The following GREB1L variants were observed in gnomAD, a reference collection of about 807,000 sequenced individuals.
GREB1L encodes GREB1 like retinoic acid receptor coactivator.
In GREB1L, 17 loss-of-function variants were observed where a neutral mutation model predicts 200.8. That is an observed-to-expected ratio of 0.08 (90% CI 0.06 to 0.13). The LOEUF is 0.13. GREB1L is among the 10% of genes least tolerant of loss of function. GREB1L has a pLI of 1.00. For missense variants in GREB1L, 1,657 were observed against 2,367.7 expected (o/e 0.70, Z 6.23); for synonymous variants, 789 against 893.0 (o/e 0.88, Z 2.08).
chr18:21,370,713 A>T (rs921529952), intron 2 of GREB1L, among the ~76,000 whole-genome samples: 1 of 152,198 alleles, frequency 6.6e-6, no homozygotes, highest in African/African-American at 2.4e-5. Flanking sequence ...GAAATCTTTT[A>T]TCTCTCAATC....
intron 27 of GREB1L, 94 bp from the exon 28 acceptor site, chr18:21,513,727 C>T: frequency 1.7e-6 from 2 of 1,171,466 alleles, no homozygotes; most frequent in South Asian, 3.0e-5. Context: ...TGTGAACAGG[C>T]ATTCTGTGGA....
chr18:21,464,484 C>T (rs1357076130), intron 15 of GREB1L, among the ~76,000 whole-genome samples: 1 of 143,804 alleles, frequency 7.0e-6, no homozygotes. Context: ...GCAGAGGTTG[C>T]AGTGAGCCGA....
intron 1 of GREB1L, among the ~76,000 whole-genome samples, chr18:21,359,723 A>G (rs1355317001): frequency 6.6e-6 from 1 of 152,216 alleles, no homozygotes; most frequent in African/African-American, 2.4e-5. Flanking sequence ...AGTCTATTGC[A>G]CTGAATAAAT....
At chr18:21,302,911 C>T (rs1163050347) in intron 1 of GREB1L, among the ~76,000 whole-genome samples, 1 of 152,020 alleles carries the variant, frequency 6.6e-6, no homozygotes, top group Non-Finnish European at 1.5e-5. Flanking sequence ...TTAGTAGAGA[C>T]GGGGTTTCAC....
chr18:21,367,652 A>G (rs74814829), intron 2 of GREB1L, among the ~76,000 whole-genome samples: 1 of 152,226 alleles, frequency 6.6e-6, no homozygotes, highest in Non-Finnish European at 1.5e-5. Flanking sequence ...TGGGTGGTAC[A>G]TGAAGTGTCA....
At chr18:21,273,738 C>T (rs1198132076) in intron 1 of GREB1L, among the ~76,000 whole-genome samples, 1 of 151,982 alleles carries the variant, frequency 6.6e-6, no homozygotes, top group African/African-American at 2.4e-5. Context: ...GAGAGCACTT[C>T]AGAATGTTTG....
chr18:21,363,358 T>G (rs1167120773), intron 1 of GREB1L, among the ~76,000 whole-genome samples: 1 of 136,054 alleles, frequency 7.4e-6, no homozygotes, highest in African/African-American at 2.7e-5. Flanking sequence ...TATAAAAGCA[T>G]TGGGTGGGGA....
chr18:21,501,326 A>G (rs2036784967), intron 23 of GREB1L, among the ~76,000 whole-genome samples: 1 of 151,344 alleles, frequency 6.6e-6, no homozygotes, highest in Admixed American at 6.6e-5. Flanking sequence ...TACGTGTGCC[A>G]TGGTGGTTTG....
At chr18:21,315,778 G>A (rs2038858106) in intron 1 of GREB1L, among the ~76,000 whole-genome samples, 1 of 152,062 alleles carries the variant, frequency 6.6e-6, no homozygotes. Context: ...TGGAAGGCCA[G>A]GTTTAAATCC....
At chr18:21,488,251 G>T (rs895503533) in intron 18 of GREB1L, among the ~76,000 whole-genome samples, 6 of 152,158 alleles carry the variant, frequency 3.9e-5, no homozygotes, top group African/African-American at 1.4e-4. Context: ...AGCCAAGATT[G>T]CACTACTGCA....
chr18:21,355,193 A>T (rs1272110718), intron 1 of GREB1L, among the ~76,000 whole-genome samples: 10 of 139,424 alleles, frequency 7.2e-5, no homozygotes, highest in Non-Finnish European at 1.1e-4. Flanking sequence ...CTTTTGTTAA[A>T]TTTTTTTTTT....
chr18:21,245,316 A>G (rs1171603990), intron 1 of GREB1L, among the ~76,000 whole-genome samples: 1 of 152,216 alleles, frequency 6.6e-6, no homozygotes, highest in Non-Finnish European at 1.5e-5. Context: ...TATAAATTAT[A>G]AATTCGCTGT....
chr18:21,372,905 A>AT (rs1230597405), intron 2 of GREB1L, among the ~76,000 whole-genome samples: 14 of 151,396 alleles, frequency 9.2e-5, no homozygotes, highest in Admixed American at 5.9e-4. Flanking sequence ...AAATTATGAG[A>AT]TTTTTTTTGC....
chr18:21,393,551 C>T (rs2040916497), intron 4 of GREB1L, among the ~76,000 whole-genome samples: 1 of 152,198 alleles, frequency 6.6e-6, no homozygotes, highest in African/African-American at 2.4e-5. Flanking sequence ...TCTGGGCTCA[C>T]TGCAAGCTCC....
chr18:21,338,948 G>A (rs545964347), intron 1 of GREB1L, among the ~76,000 whole-genome samples: 1 of 152,180 alleles, frequency 6.6e-6, no homozygotes, highest in Non-Finnish European at 1.5e-5. Context: ...TAGCACTTTG[G>A]GAGGCTGAGG....
intron 2 of GREB1L, among the ~76,000 whole-genome samples, chr18:21,369,649 T>A (rs1194863495): frequency 6.6e-6 from 1 of 152,164 alleles, no homozygotes; most frequent in African/African-American, 2.4e-5. Flanking sequence ...GTAAGTATAT[T>A]GCTAAGAAGG....
intron 1 of GREB1L, among the ~76,000 whole-genome samples, chr18:21,339,939 C>T (rs2039243201): frequency 6.6e-6 from 1 of 152,128 alleles, no homozygotes; most frequent in African/African-American, 2.4e-5. Flanking sequence ...AACCCAAGTC[C>T]ACCTCACCTC....
At chr18:21,479,386 A>G (rs938349188) in intron 17 of GREB1L, among the ~76,000 whole-genome samples, 2 of 152,104 alleles carry the variant, frequency 1.3e-5, no homozygotes, top group Non-Finnish European at 2.9e-5. Flanking sequence ...ATTTTCCTTA[A>G]AAGTCATTTT....
chr18:21,429,564 C>T (rs1290542510), intron 7 of GREB1L, among the ~76,000 whole-genome samples: 4 of 151,852 alleles, frequency 2.6e-5, no homozygotes, highest in South Asian at 2.1e-4. Flanking sequence ...GGGAAATGCT[C>T]CTCCTTCTAC....
Sources: gnomAD v4.1 joint callset for allele counts (sites outside exome capture counted in the v4.1 genomes callset) on GRCh38, gnomAD v4.1.1 for gene constraint, MANE v1.5 for transcripts, NCBI Gene and HGNC (gene_info 2026-07-23, HGNC 2026-07-21) for gene names.